Variants in RUNX1T1 observed in about 807,000 individuals in gnomAD.
RUNX1T1 encodes the protein protein CBFA2T1.
RUNX1T1 carries 4 observed loss-of-function variants against 62.8 expected under a neutral mutation model. That is an observed-to-expected ratio of 0.06 (90% CI 0.03 to 0.15). RUNX1T1 has a LOEUF of 0.15. Ranked by LOEUF, RUNX1T1 falls within the 10% of genes least tolerant of loss-of-function variation. The pLI, the probability that RUNX1T1 is intolerant of heterozygous loss-of-function variation, is 1.00. For synonymous variants in RUNX1T1, 291 were observed against 286.0 expected (o/e 1.02, Z -0.18); for missense variants, 508 against 754.3 (o/e 0.67, Z 3.82).
At chr8:91,962,321 AC>A (rs1430202272) in intron 10 of RUNX1T1, among the ~76,000 whole-genome samples, 1 of 152,216 alleles carries the variant, frequency 6.6e-6, no homozygotes, top group Non-Finnish European at 1.5e-5. Flanking sequence ...CAAAAACAAA[AC>A]AAAAACTTAA....
chr8:92,095,481 G>A (rs1288890534), intron 1 of RUNX1T1: 1 of 1,530,514 alleles, frequency 6.5e-7, no homozygotes, highest in Non-Finnish European at 8.7e-7. Context: ...GTGTGAGTGA[G>A]TGTGTGAGCG....
chr8:92,051,295 C>T (rs1317707659), intron 1 of RUNX1T1, among the ~76,000 whole-genome samples: 1 of 151,926 alleles, frequency 6.6e-6, no homozygotes, highest in African/African-American at 2.4e-5. Context: ...CATGGAGACA[C>T]AAACATAATT....
intron 9 of RUNX1T1, chr8:91,971,071 A>G (rs994859154): frequency 2.2e-5 from 9 of 408,628 alleles, no homozygotes; most frequent in Non-Finnish European, 3.5e-5. Flanking sequence ...AGAATTCTAT[A>G]GAAGAAGCAT....
At chr8:91,990,347 A>G (rs1817412524) in intron 6 of RUNX1T1, among the ~76,000 whole-genome samples, 1 of 152,262 alleles carries the variant, frequency 6.6e-6, no homozygotes, top group East Asian at 1.9e-4. Context: ...CCTCATCAGG[A>G]AAGTTTGCCA....
chr8:91,983,839 T>TC (rs1243324500), intron 8 of RUNX1T1, among the ~76,000 whole-genome samples: 2 of 152,058 alleles, frequency 1.3e-5, no homozygotes, highest in Non-Finnish European at 2.9e-5. Context: ...CATAGCTCAG[T>TC]CCCAGAAAAT....
upstream of RUNX1T1, among the ~76,000 whole-genome samples, chr8:92,065,950 C>T (rs750114778): frequency 7.9e-5 from 12 of 152,280 alleles, 1 homozygote; most frequent in Admixed American, 1.3e-4. Flanking sequence ...CTTTCCTACC[C>T]CATCTGCTCT....
chr8:92,015,178 A>G (rs906793542), intron 2 of RUNX1T1, among the ~76,000 whole-genome samples: 8 of 152,222 alleles, frequency 5.3e-5, no homozygotes, highest in African/African-American at 1.7e-4. Context: ...GCTTACATCA[A>G]TATAACAGGA....
At chr8:92,091,801 T>C (rs563784140) in intron 1 of RUNX1T1, among the ~76,000 whole-genome samples, 6 of 152,220 alleles carry the variant, frequency 3.9e-5, no homozygotes, top group Non-Finnish European at 7.3e-5. Context: ...ACTTCTTTGG[T>C]TGGTTCCATA....
At chr8:92,010,379 G>C (rs2131087670) in intron 4 of RUNX1T1, 1 of 152,326 alleles carries the variant, frequency 6.6e-6, no homozygotes, top group African/African-American at 2.4e-5. Flanking sequence ...ATCCATCAGT[G>C]AATTAACTAC....
intron 4 of RUNX1T1, chr8:92,009,532 C>G (rs1404157222): frequency 6.6e-6 from 1 of 151,372 alleles, no homozygotes; most frequent in Admixed American, 6.6e-5. Flanking sequence ...TCCTTGTAAG[C>G]TTTTTAAATT....
At chr8:92,077,173 A>T (rs1775043249) in intron 1 of RUNX1T1, among the ~76,000 whole-genome samples, 1 of 152,102 alleles carries the variant, frequency 6.6e-6, no homozygotes, top group Non-Finnish European at 1.5e-5. Context: ...TTTGTGATGC[A>T]ATCAGTTGTT....
intron 2 of RUNX1T1, 134 bp from the exon 4 acceptor site, chr8:92,014,954 C>T (rs1822704917): frequency 1.1e-6 from 1 of 878,542 alleles, no homozygotes; most frequent in South Asian, 1.9e-5. Context: ...TTTAAAAATG[C>T]TTGGACTTCA....
At chr8:92,095,778 GA>G (rs1228835448) in intron 1 of RUNX1T1, 2 of 345,844 alleles carry the variant, frequency 5.8e-6, no homozygotes, top group Non-Finnish European at 1.0e-5. Context: ...AGGCAGGCTA[GA>G]AGTCGCCTGC....
chr8:92,027,128 A>G (rs1563790411), intron 1 of RUNX1T1, among the ~76,000 whole-genome samples: 1 of 149,098 alleles, frequency 6.7e-6, no homozygotes, highest in South Asian at 2.1e-4. Context: ...AAAAAAAAAA[A>G]AAAAAAGAAA....
intron 1 of RUNX1T1, among the ~76,000 whole-genome samples, chr8:92,034,835 C>CA (rs1030763976): frequency 5.1e-5 from 6 of 118,440 alleles, no homozygotes; most frequent in African/African-American, 2.3e-4. Context: ...CACACACACA[C>CA]ACCATGGAAT....
At chr8:92,091,417 A>G (rs1836993090) in intron 1 of RUNX1T1, among the ~76,000 whole-genome samples, 1 of 152,180 alleles carries the variant, frequency 6.6e-6, no homozygotes. Flanking sequence ...CAGGTCTTAC[A>G]CTTTAAACAT....
rs922405015 is a variant in RUNX1T1, at chr8:92,005,660, G to C, written c.478-363C>G. ...TTTGTTCTCCACAGGGAAGATAGAG[G>C]GTATAAAAAATATATACACAGTCCA... On this transcript the variant is annotated intron_variant, in intron 4 of 10. Transcript: ENST00000396218. The C allele has an allele frequency of 5.8e-4, 105 of 181,256 alleles. 1 individual carries two copies. The highest frequency in any genetic ancestry group is 2.4e-3 in the African/African-American group (102 of 42,276). 11.2% of individuals were successfully genotyped at this position (181,256 alleles called of 1,614,324 possible).
At chr8:92,024,354 C>A (rs1824709077) in intron 1 of RUNX1T1, among the ~76,000 whole-genome samples, 1 of 151,880 alleles carries the variant, frequency 6.6e-6, no homozygotes, top group African/African-American at 2.4e-5. Flanking sequence ...ACAAAAAATA[C>A]AAAAATTAGC....
At chr8:92,059,949 C>G (rs1274150036) in intron 1 of RUNX1T1, among the ~76,000 whole-genome samples, 1 of 152,112 alleles carries the variant, frequency 6.6e-6, no homozygotes, top group Non-Finnish European at 1.5e-5. Context: ...TTCTGGGCTA[C>G]AGGGACTGTG....
Sources: allele counts gnomAD v4.1 joint callset (sites outside exome capture counted in the v4.1 genomes callset), GRCh38; gene constraint gnomAD v4.1.1; transcripts MANE v1.5; gene names NCBI Gene and HGNC (gene_info 2026-07-23, HGNC 2026-07-21).